Variants in PRIM2 observed in about 807,000 individuals in gnomAD.
PRIM2 encodes DNA primase large subunit.
PRIM2 carries 39 observed loss-of-function variants against 67.3 expected under a neutral mutation model. That is an observed-to-expected ratio of 0.58 (90% confidence interval 0.45 to 0.76). PRIM2 has a LOEUF of 0.76. Ranked by LOEUF, PRIM2 falls within the 30% of genes least tolerant of loss-of-function variation. PRIM2 has a pLI of 0.00. For missense variants in PRIM2, 398 were observed against 598.7 expected, an observed-to-expected ratio of 0.66 and a Z score of 3.50; for synonymous variants, 143 against 198.7, an observed-to-expected ratio of 0.72 and a Z score of 2.36.
At chr6:57,464,974 C>T (rs1195932208) in intron 7 of PRIM2, among the ~76,000 whole-genome samples, 17 of 152,086 alleles carry the variant, frequency 1.1e-4, no homozygotes, top group Admixed American at 1.0e-3. Context: ...TTCTAGGTCC[C>T]TAGTATTTAC....
rs1253907892 is a variant in PRIM2 at position 57,641,214 on chromosome 6, C to T, written c.1300-4714C>T. 6.0e-3 allele frequency among the ~76,000 whole-genome samples: 914 copies of T among 152,190 alleles called. 37 individuals carry two copies. The highest frequency in any genetic ancestry group is 0.056 in the Admixed American group (853 of 15,286). Reference sequence around the variant, plus strand: ...CAGAAAACTGAAACTGGACCCCTTCCTTACACCTTATACAAAAATTAACTC... The same window carrying T: ...CAGAAAACTGAAACTGGACCCCTTCTTTACACCTTATACAAAAATTAACTC... On this transcript the variant is annotated intron_variant, in intron 13 of 13. Coordinates refer to ENST00000615550, the MANE Select transcript of PRIM2 (RefSeq NM_000947.5).
the PRIM2 span, among the ~76,000 whole-genome samples, chr6:57,227,104 C>CAT: frequency 7.9e-5 from 12 of 151,868 alleles, no homozygotes; most frequent in South Asian, 2.1e-3. Context: ...AAGTCTTTCT[C>CAT]ATATATATAT....
chr6:57,430,720 C>G lies in PRIM2; in HGVS notation c.693+48552C>G, dbSNP rs1471337330. On this transcript the variant is annotated intron_variant, in intron 7 of 13. Coordinates refer to ENST00000615550, the MANE Select transcript of PRIM2 (RefSeq NM_000947.5). ...AGGTAATCTGCCCACCTTGGCCTCCCGAAGTGCTGGGATTACAGGTGTCAG... is the reference window on the plus strand; with the variant it reads ...AGGTAATCTGCCCACCTTGGCCTCCGGAAGTGCTGGGATTACAGGTGTCAG... Among the ~76,000 whole-genome samples the G allele has an allele frequency of 2.0e-5, 3 of 151,998 alleles. No homozygotes were observed. The South Asian group carries it at 6.2e-4, about 32-fold the overall frequency.
At chr6:57,385,220 A>G (rs1007131121) in intron 7 of PRIM2, among the ~76,000 whole-genome samples, 4 of 152,172 alleles carry the variant, frequency 2.6e-5, no homozygotes, top group African/African-American at 9.7e-5. Flanking sequence ...ATTTCAGCCA[A>G]CTGCACCTAA....
chr6:57,292,402 A>G, the PRIM2 span, among the ~76,000 whole-genome samples: 5 of 152,016 alleles, frequency 3.3e-5, no homozygotes, highest in East Asian at 5.8e-4. Context: ...AATCAATATC[A>G]TGAAAATGGC....
chr6:57,584,180 A>G (rs1317662135), intron 10 of PRIM2, among the ~76,000 whole-genome samples: 11 of 152,362 alleles, frequency 7.2e-5, no homozygotes, highest in African/African-American at 2.4e-4. Flanking sequence ...AATGATGCAA[A>G]TCACAGAGCC....
chr6:57,561,737 A>G (rs1775636294), intron 10 of PRIM2, among the ~76,000 whole-genome samples: 1 of 152,208 alleles, frequency 6.6e-6, no homozygotes, highest in South Asian at 2.1e-4. Context: ...TCACTGGAGA[A>G]TCACTTTTGA....
chr6:57,378,312 C>T (rs187250522), intron 5 of PRIM2, among the ~76,000 whole-genome samples: 5 of 151,740 alleles, frequency 3.3e-5, no homozygotes, highest in South Asian at 2.1e-4. Flanking sequence ...GTGATCCTCC[C>T]GCCTTGGCCT....
At chr6:57,412,360 CCT>C (rs1386898019) in intron 7 of PRIM2, among the ~76,000 whole-genome samples, 1 of 151,374 alleles carries the variant, frequency 6.6e-6, no homozygotes, top group Non-Finnish European at 1.5e-5. Context: ...AGACTTTTAC[CCT>C]GTTAGCAATT....
At chr6:57,294,077 C>G in the PRIM2 span, among the ~76,000 whole-genome samples, 2 of 152,094 alleles carry the variant, frequency 1.3e-5, no homozygotes, top group Admixed American at 1.3e-4. Flanking sequence ...ATGGTATAGT[C>G]ATGCAATGGA....
intron 7 of PRIM2, chr6:57,434,999 T>C (rs1049677192): frequency 5.9e-5 from 9 of 152,414 alleles, no homozygotes; most frequent in African/African-American, 2.2e-4. Context: ...TTGCCCAGGC[T>C]GGTCTTGAAC....
Position 57,350,982 on chromosome 6 carries a change from G to A in PRIM2, c.459+24937G>A, listed in dbSNP as rs200543029. Among the ~76,000 whole-genome samples, 7 of 150,806 alleles carry A rather than the reference G, an allele frequency of 4.6e-5. No individual in the cohort carries two copies. The East Asian group carries it at 1.4e-3, about 29-fold the overall frequency. ...GTGGAAGATGAGACTAGCAAGATAGGAGGGCAGGAAGGAATTGTGGAAGGT... is the reference window on the plus strand; with the variant it reads ...GTGGAAGATGAGACTAGCAAGATAGAAGGGCAGGAAGGAATTGTGGAAGGT... On this transcript the variant is annotated intron_variant, in intron 5 of 13. Transcript: ENST00000615550.
the PRIM2 span, among the ~76,000 whole-genome samples, chr6:57,287,665 C>T: frequency 6.6e-6 from 1 of 151,708 alleles, no homozygotes; most frequent in Admixed American, 6.6e-5. Flanking sequence ...GCATGTGGAG[C>T]TTAAAACTTA....
chr6:57,496,704 T>C (rs1376383627), intron 7 of PRIM2, among the ~76,000 whole-genome samples: 2 of 152,150 alleles, frequency 1.3e-5, no homozygotes, highest in Non-Finnish European at 2.9e-5. Flanking sequence ...GAGACAAAAA[T>C]GATGAATGAA....
At chr6:57,407,262 A>G (rs1219144254) in intron 7 of PRIM2, among the ~76,000 whole-genome samples, 1 of 152,100 alleles carries the variant, frequency 6.6e-6, no homozygotes, top group Non-Finnish European at 1.5e-5. Context: ...AACAATTTGC[A>G]TTTATAATCT....
At chr6:57,481,084 A>G (rs1231703927) in intron 7 of PRIM2, among the ~76,000 whole-genome samples, 2 of 152,250 alleles carry the variant, frequency 1.3e-5, no homozygotes, top group East Asian at 1.9e-4. Context: ...GAGTGGTTAC[A>G]TCTTACATTA....
chr6:57,418,383 G>GTTTTTTTTTTTTTTTTTTTTTT (rs34491627), intron 7 of PRIM2, among the ~76,000 whole-genome samples: 2 of 47,234 alleles, frequency 4.2e-5, no homozygotes, highest in African/African-American at 6.5e-5. Flanking sequence ...TATGTGTGTG[G>GTTTTTTTTTTTTTTTTTTTTTT]TTTTTTTTTT....
At chr6:57,378,147 A>G (rs1769834394) in intron 5 of PRIM2, among the ~76,000 whole-genome samples, 3 of 150,146 alleles carry the variant, frequency 2.0e-5, no homozygotes, top group African/African-American at 4.9e-5. Context: ...TGCAGCCTCT[A>G]ACTCCTGGGC....
At chr6:57,264,044 G>A in the PRIM2 span, among the ~76,000 whole-genome samples, 6 of 152,158 alleles carry the variant, frequency 3.9e-5, no homozygotes, top group Non-Finnish European at 8.8e-5. Context: ...CAGGAAGATG[G>A]GTTTGGCTAG....
Sources: gnomAD v4.1 joint callset for allele counts (sites outside exome capture counted in the v4.1 genomes callset) on GRCh38, gnomAD v4.1.1 for gene constraint, MANE v1.5 for transcripts, NCBI Gene and HGNC (gene_info 2026-07-23, HGNC 2026-07-21) for gene names.